The following ADAM10 variants were observed in gnomAD, a reference collection of about 807,000 sequenced individuals.
ADAM10 encodes ADAM metallopeptidase domain 10.
ADAM10 carries 17 observed loss-of-function variants against 90.1 expected under a neutral mutation model. That is an observed-to-expected ratio of 0.19 (90% CI 0.13 to 0.28). The LOEUF is 0.28. Ranked by LOEUF, ADAM10 falls within the 10% of genes least tolerant of loss-of-function variation. The pLI, the probability that ADAM10 is intolerant of heterozygous loss-of-function variation, is 1.00. For synonymous variants in ADAM10, 310 were observed against 298.6 expected (o/e 1.04, Z -0.40); for missense variants, 610 against 914.3 (o/e 0.67, Z 4.29).
At chr15:58,708,902 G>A (rs1898387141) in intron 2 of ADAM10, among the ~76,000 whole-genome samples, 1 of 152,130 alleles carries the variant, frequency 6.6e-6, no homozygotes, top group Non-Finnish European at 1.5e-5. Context: ...GGTACAGAAT[G>A]ACTTTAAGAA....
At chr15:58,722,684 C>T (rs1045864899) in intron 1 of ADAM10, among the ~76,000 whole-genome samples, 1 of 151,516 alleles carries the variant, frequency 6.6e-6, no homozygotes, top group Non-Finnish European at 1.5e-5. Flanking sequence ...AGTATTTACA[C>T]CACCATGGAA....
intron 2 of ADAM10, among the ~76,000 whole-genome samples, chr15:58,685,560 ATATATATATATATATATATATATG>A (rs1388465691): frequency 1.3e-5 from 1 of 76,174 alleles, no homozygotes; most frequent in Non-Finnish European, 2.2e-5. Flanking sequence ...ATATATATAT[ATATATATATATATATATATATATG>A]TATATATACA....
chr15:58,685,545 A>AATATATATATAT (rs56776777), intron 2 of ADAM10, among the ~76,000 whole-genome samples: 158 of 116,184 alleles, frequency 1.4e-3, no homozygotes, highest in South Asian at 2.4e-3. Flanking sequence ...TATGAAGGAG[A>AATATATATATAT]ATATATATAT....
intron 2 of ADAM10, among the ~76,000 whole-genome samples, chr15:58,716,555 G>C (rs1164199548): frequency 1.3e-5 from 2 of 152,142 alleles, no homozygotes; most frequent in East Asian, 1.9e-4. Context: ...ATGCTGGCAA[G>C]TAAAACAAAG....
intron 4 of ADAM10, among the ~76,000 whole-genome samples, chr15:58,677,340 A>T (rs537608773): frequency 6.6e-6 from 1 of 152,344 alleles, no homozygotes; most frequent in East Asian, 1.9e-4. Context: ...ATAAAAGCTG[A>T]TATCAATGAT....
intron 2 of ADAM10, among the ~76,000 whole-genome samples, chr15:58,689,081 A>C (rs1897697914): frequency 6.6e-6 from 1 of 152,152 alleles, no homozygotes; most frequent in Non-Finnish European, 1.5e-5. Context: ...ACAAAGAAAA[A>C]CCCACAAAAC....
At position 58,593,653 on chromosome 15, in the gene ADAM10, C is replaced by T. The variant is rs1167560987; in HGVS notation, c.*3894G>A. On this transcript the variant is annotated 3_prime_UTR_variant, in exon 16 of 16. Transcript: ENST00000260408. Reference sequence around the variant, plus strand: ...TTCGTTCTTGTTCAATTCACCTTGTCCTTGTTGGATTACCCCACACCCTAT... The same window carrying T: ...TTCGTTCTTGTTCAATTCACCTTGTTCTTGTTGGATTACCCCACACCCTAT... The T allele has an allele frequency of 6.6e-6, 1 of 152,138 alleles. No individual in the cohort carries two copies. Among genetic ancestry groups the T allele is most frequent in the Non-Finnish European group, 1.5e-5 (1 of 68,016 alleles). 9.4% of individuals were successfully genotyped at this position (152,138 alleles called of 1,614,324 possible).
intron 4 of ADAM10, among the ~76,000 whole-genome samples, chr15:58,668,008 G>C (rs1242069444): frequency 6.6e-6 from 1 of 152,044 alleles, no homozygotes; most frequent in African/African-American, 2.4e-5. Flanking sequence ...TCACAACACT[G>C]ATCTCTCTGG....
chr15:58,675,918 ACGATAC>A (rs1337439102), intron 4 of ADAM10, among the ~76,000 whole-genome samples: 2 of 152,244 alleles, frequency 1.3e-5, no homozygotes, highest in African/African-American at 4.8e-5. Flanking sequence ...AACATATACA[ACGATAC>A]CAAATCCAAT....
intron 1 of ADAM10, among the ~76,000 whole-genome samples, chr15:58,724,247 G>T (rs900265226): frequency 6.6e-6 from 1 of 152,066 alleles, no homozygotes; most frequent in Non-Finnish European, 1.5e-5. Context: ...TAAGGAGAAG[G>T]TTCTAAATTT....
intron 2 of ADAM10, among the ~76,000 whole-genome samples, chr15:58,689,839 C>T (rs1311966546): frequency 1.3e-5 from 2 of 150,962 alleles, no homozygotes; most frequent in African/African-American, 2.4e-5. Flanking sequence ...AATACCAGGG[C>T]CAGATGGTTC....
At chr15:58,716,888 C>G (rs1318390152) in intron 2 of ADAM10, among the ~76,000 whole-genome samples, 3 of 151,744 alleles carry the variant, frequency 2.0e-5, no homozygotes, top group African/African-American at 7.3e-5. Context: ...GTAAGTGTCC[C>G]TAACAGATAG....
rs1331546100 is a variant in ADAM10, at chr15:58,591,773, ATT to A, written c.*5772_*5773del. The A allele has an allele frequency of 6.6e-6, 1 of 152,206 alleles. No homozygotes were observed. The highest frequency in any genetic ancestry group is 1.5e-5 in the Non-Finnish European group (1 of 68,038). 9.4% of individuals were successfully genotyped at this position (152,206 alleles called of 1,614,324 possible). A position where few individuals can be genotyped will look rare whatever the true frequency, so the allele number is the denominator to read the frequency against. On this transcript the variant is annotated 3_prime_UTR_variant, in exon 16 of 16. Transcript: ENST00000260408. ...ATCATTTCATTTTTTAAGTGTTTCA[ATT>A]TGCATCTCTAAAAGGGGTCCTTTAA...
At chr15:58,669,473 G>A (rs1319169629) in intron 4 of ADAM10, among the ~76,000 whole-genome samples, 1 of 152,124 alleles carries the variant, frequency 6.6e-6, no homozygotes, top group Non-Finnish European at 1.5e-5. Context: ...CACCTAAGTT[G>A]TATTATCAGC....
intron 11 of ADAM10, among the ~76,000 whole-genome samples, chr15:58,612,305 G>A (rs1465045377): frequency 2.6e-5 from 4 of 152,134 alleles, no homozygotes; most frequent in African/African-American, 9.7e-5. Flanking sequence ...TAATGCCTTG[G>A]CCAAGTTGAG....
chr15:58,727,412 G>C (rs28821798), intron 1 of ADAM10, among the ~76,000 whole-genome samples: 15 of 151,914 alleles, frequency 9.9e-5, no homozygotes, highest in African/African-American at 3.6e-4. Context: ...GTTGGTCTCA[G>C]ACCCCTGACC....
At chr15:58,647,314 G>T (rs1896578146) in intron 5 of ADAM10, among the ~76,000 whole-genome samples, 1 of 120,456 alleles carries the variant, frequency 8.3e-6, no homozygotes, top group Non-Finnish European at 1.6e-5. Flanking sequence ...AGGATGGAGT[G>T]CAGTGGCACG....
chr15:58,714,292 T>TATACAC (rs146534670), intron 2 of ADAM10, among the ~76,000 whole-genome samples: 2 of 142,914 alleles, frequency 1.4e-5, no homozygotes, highest in African/African-American at 5.2e-5. Context: ...TACATACACA[T>TATACAC]ACACACACAC....
At chr15:58,687,248 G>A (rs1390541458) in intron 2 of ADAM10, among the ~76,000 whole-genome samples, 7 of 152,150 alleles carry the variant, frequency 4.6e-5, no homozygotes, top group African/African-American at 1.4e-4. Flanking sequence ...TTAATGTTAT[G>A]ATGTGCATTA....
Sources: gnomAD v4.1 joint callset for allele counts (sites outside exome capture counted in the v4.1 genomes callset) on GRCh38, gnomAD v4.1.1 for gene constraint, MANE v1.5 for transcripts, NCBI Gene and HGNC (gene_info 2026-07-23, HGNC 2026-07-21) for gene names.